Variants in DLGAP1 observed in about 807,000 individuals in gnomAD.
The protein encoded by DLGAP1 is DLG associated protein 1.
A neutral mutation model predicts 90.8 loss-of-function variants in DLGAP1; 11 were observed. The observed-to-expected ratio is 0.12, with a 90% CI of 0.08 to 0.20. DLGAP1 has a LOEUF of 0.20. Ranked by LOEUF, DLGAP1 falls within the 10% of genes least tolerant of loss-of-function variation. The pLI is 1.00. For synonymous variants in DLGAP1, 558 were observed against 540.7 expected, an observed-to-expected ratio of 1.03 and a Z score of -0.44; for missense variants, 1,050 against 1,333.8, an observed-to-expected ratio of 0.79 and a Z score of 3.31.
chr18:4,289,147 A>G (rs1299560160), intron 1 of DLGAP1, among the ~76,000 whole-genome samples: 1 of 152,040 alleles, frequency 6.6e-6, no homozygotes, highest in African/African-American at 2.4e-5. Flanking sequence ...CAAGCTGCTC[A>G]CTCTCCTAGG....
At chr18:3,938,323 G>C (rs1430430889) in intron 3 of DLGAP1, among the ~76,000 whole-genome samples, 1 of 152,144 alleles carries the variant, frequency 6.6e-6, no homozygotes, top group Non-Finnish European at 1.5e-5. Context: ...CATAATACCA[G>C]ATACAACAGG....
chr18:4,137,270 T>C (rs2076420445), intron 2 of DLGAP1, among the ~76,000 whole-genome samples: 1 of 152,226 alleles, frequency 6.6e-6, no homozygotes, highest in South Asian at 2.1e-4. Flanking sequence ...ATGGTGTATA[T>C]GTGCCACATT....
At chr18:3,929,789 C>A (rs1368197989) in intron 3 of DLGAP1, among the ~76,000 whole-genome samples, 1 of 152,160 alleles carries the variant, frequency 6.6e-6, no homozygotes, top group Non-Finnish European at 1.5e-5. Flanking sequence ...ATGAGCAAAA[C>A]TGCTGTTCGT....
chr18:3,783,366 A>C (rs1047503512), intron 5 of DLGAP1, among the ~76,000 whole-genome samples: 1 of 152,258 alleles, frequency 6.6e-6, no homozygotes, highest in African/African-American at 2.4e-5. Flanking sequence ...TCATAGGAGC[A>C]TTACTCATGA....
intron 1 of DLGAP1, among the ~76,000 whole-genome samples, chr18:4,319,358 T>C (rs961996039): frequency 6.6e-6 from 1 of 152,208 alleles, no homozygotes; most frequent in Non-Finnish European, 1.5e-5. Flanking sequence ...CTGTATATCC[T>C]AATTTAAACA....
At chr18:3,719,480 C>T (rs1215878830) in intron 7 of DLGAP1, among the ~76,000 whole-genome samples, 5 of 146,090 alleles carry the variant, frequency 3.4e-5, no homozygotes, top group Non-Finnish European at 5.9e-5. Context: ...TGGCATGAAC[C>T]TGGGAGGCAG....
intron 1 of DLGAP1, among the ~76,000 whole-genome samples, chr18:4,224,064 G>A (rs2078135368): frequency 6.6e-6 from 1 of 152,354 alleles, no homozygotes; most frequent in East Asian, 1.9e-4. Flanking sequence ...ACTCCTGGTT[G>A]ACATTTCTAG....
At chr18:3,520,615 G>T (rs1014760174) in intron 10 of DLGAP1, among the ~76,000 whole-genome samples, 4 of 152,148 alleles carry the variant, frequency 2.6e-5, no homozygotes, top group African/African-American at 9.7e-5. Flanking sequence ...GAGAATCAGG[G>T]AAAGGGTGGT....
chr18:3,678,429 T>C (rs1383224854), intron 7 of DLGAP1, among the ~76,000 whole-genome samples: 1 of 152,086 alleles, frequency 6.6e-6, no homozygotes, highest in Non-Finnish European at 1.5e-5. Context: ...CATTTCCCCA[T>C]CTCTCCTTTA....
Position 3,497,864 on chromosome 18 carries a change from T to G in DLGAP1, c.*1321A>C, listed in dbSNP as rs771764710. The G allele has an allele frequency of 2.0e-5, 3 of 152,228 alleles. No homozygotes were observed. The highest frequency in any genetic ancestry group is 1.3e-4 in the Admixed American group (2 of 15,282). 9.4% of individuals were successfully genotyped at this position (152,228 alleles called of 1,614,324 possible). A position where few individuals can be genotyped will look rare whatever the true frequency, so the allele number is the denominator to read the frequency against. On this transcript the variant is annotated 3_prime_UTR_variant, in exon 13 of 13. Transcript: ENST00000315677. ...AATCATGACTCCCCCCACCTCTTCA[T>G]GGCTGTTGACCCTGGCAGGTCGAGT...
chr18:3,723,667 C>T (rs993860514), intron 7 of DLGAP1, among the ~76,000 whole-genome samples: 47 of 151,910 alleles, frequency 3.1e-4, no homozygotes, highest in African/African-American at 1.1e-3. Flanking sequence ...GAATGAAGAC[C>T]CAAACCCTTA....
chr18:3,899,526 G>A (rs2071737069), intron 3 of DLGAP1, among the ~76,000 whole-genome samples: 1 of 152,164 alleles, frequency 6.6e-6, no homozygotes, highest in South Asian at 2.1e-4. Context: ...GAAACCTTTT[G>A]GATGTTTACT....
At chr18:3,598,347 C>T (rs117368495) in intron 7 of DLGAP1, 3 of 151,328 alleles carry the variant, frequency 2.0e-5, no homozygotes, top group East Asian at 3.9e-4. Context: ...AGTGAGTCTC[C>T]ATCTCAAAAA....
chr18:4,099,468 G>T (rs1473790908), intron 2 of DLGAP1, among the ~76,000 whole-genome samples: 1 of 152,146 alleles, frequency 6.6e-6, no homozygotes, highest in African/African-American at 2.4e-5. Flanking sequence ...TAAGAGTTAT[G>T]TGTACACTGC....
chr18:4,318,194 C>A (rs1314503547), intron 1 of DLGAP1, among the ~76,000 whole-genome samples: 3 of 152,268 alleles, frequency 2.0e-5, no homozygotes, highest in Non-Finnish European at 4.4e-5. Context: ...CCATAATACC[C>A]AAATATGGCA....
At chr18:4,258,595 G>C (rs2078944218) in intron 1 of DLGAP1, among the ~76,000 whole-genome samples, 1 of 151,806 alleles carries the variant, frequency 6.6e-6, no homozygotes, top group Admixed American at 6.6e-5. Flanking sequence ...CACCAAAGTG[G>C]GAAAAGTGAA....
chr18:4,163,770 TGAGA>T (rs772740410), intron 1 of DLGAP1, among the ~76,000 whole-genome samples: 1 of 152,244 alleles, frequency 6.6e-6, no homozygotes, highest in Non-Finnish European at 1.5e-5. Context: ...GAAAATGCCG[TGAGA>T]GAGTTACATT....
At chr18:4,412,030 G>A (rs948039775) in intron 1 of DLGAP1, among the ~76,000 whole-genome samples, 10 of 152,164 alleles carry the variant, frequency 6.6e-5, no homozygotes, top group Admixed American at 2.6e-4. Context: ...AGCAGGGAAG[G>A]ACGTCCTTAT....
intron 1 of DLGAP1, among the ~76,000 whole-genome samples, chr18:4,289,077 T>G (rs2079781625): frequency 6.6e-6 from 1 of 151,592 alleles, no homozygotes; most frequent in Non-Finnish European, 1.5e-5. Context: ...AGGGCAGGAG[T>G]GTTGTTGGAG....
Sources: allele counts gnomAD v4.1 joint callset (sites outside exome capture counted in the v4.1 genomes callset), GRCh38; gene constraint gnomAD v4.1.1; transcripts MANE v1.5; gene names NCBI Gene and HGNC (gene_info 2026-07-23, HGNC 2026-07-21).